ZMAT3: variants seen among roughly 807,000 people sequenced by gnomAD.
ZMAT3 encodes zinc finger matrin-type protein 3.
In ZMAT3, 17 loss-of-function variants were observed where a neutral mutation model predicts 32.3. The observed-to-expected ratio is 0.53, with a 90% CI of 0.36 to 0.79. ZMAT3 has a LOEUF of 0.79. Among genes scored for constraint, ZMAT3 ranks in the 30% least tolerant of loss-of-function variants. ZMAT3 has a pLI of 0.00. For missense variants in ZMAT3, 329 were observed against 359.7 expected (o/e 0.91, Z 0.69); for synonymous variants, 120 against 133.1 (o/e 0.90, Z 0.68).
intron 2 of ZMAT3, among the ~76,000 whole-genome samples, chr3:179,055,916 C>T: frequency 6.6e-6 from 1 of 152,156 alleles, no homozygotes; most frequent in East Asian, 1.9e-4. Context: ...GGCCAGCAGG[C>T]AGTTCCCAGT....
intron 1 of ZMAT3, among the ~76,000 whole-genome samples, chr3:179,068,304 C>T (rs1258663434): frequency 1.3e-5 from 2 of 151,966 alleles, no homozygotes; most frequent in African/African-American, 2.4e-5. Context: ...GTCAGGAGTT[C>T]GAGACCAGCC....
chr3:179,054,392 G>C lies in ZMAT3; in HGVS notation c.270+13091C>G, dbSNP rs142314844. Among the ~76,000 whole-genome samples the C allele has an allele frequency of 3.9e-4, 59 of 152,246 alleles. No individual in the cohort carries two copies. In the East Asian group the frequency reaches 9.7e-3, roughly 25 times the overall value. On this transcript the variant is annotated intron_variant, in intron 2 of 5. Transcript: ENST00000311417. ...AGTAAGACCACAACATCAAATACTA[G>C]TCTGACCTCAAAGTCCGCGATTTCA...
At chr3:179,068,649 C>T (rs1721550026) in intron 1 of ZMAT3, among the ~76,000 whole-genome samples, 1 of 152,142 alleles carries the variant, frequency 6.6e-6, no homozygotes, top group African/African-American at 2.4e-5. Context: ...TTTCAGGGAA[C>T]TCTAGGAGTA....
rs1560084994 is a variant in ZMAT3, at chr3:179,030,890, A to T, written c.380T>A (p.Val127Asp). 1 of 1,613,428 alleles carries T rather than the reference A, an allele frequency of 6.2e-7. No individual in the cohort carries two copies. The highest frequency in any genetic ancestry group is 1.7e-4 in the Middle Eastern group (1 of 6,060). The stretch of plus-strand genomic sequence containing the variant: ...ACACACATGTCTCACCTGCGGAGGG[A>T]CTGGAACAACTGGAGTAGCTGCAGG... ...VEPAATPVVP[V>D]PPQMGSFKPG... The change falls in exon 3 of 6, where the codon GTC becomes GAC. Residue 127 changes from valine (V) to aspartate (D), a missense_variant. Val to Asp is a radical substitution (Grantham distance 152, BLOSUM62 -3). Coordinates refer to ENST00000311417, the MANE Select transcript of ZMAT3 (RefSeq NM_022470.4).
chr3:179,064,780 T>G (rs1303970046), intron 2 of ZMAT3, among the ~76,000 whole-genome samples: 1 of 152,210 alleles, frequency 6.6e-6, no homozygotes, highest in Non-Finnish European at 1.5e-5. Flanking sequence ...TGCTTATTCA[T>G]GTACACCCTC....
intron 3 of ZMAT3, 148 bp downstream of exon 3, chr3:179,030,732 G>C: frequency 8.2e-7 from 1 of 1,225,246 alleles, no homozygotes; most frequent in Non-Finnish European, 1.1e-6. Flanking sequence ...TGTAGTTCAA[G>C]GAGTTAAAAG....
intron 2 of ZMAT3, among the ~76,000 whole-genome samples, chr3:179,043,969 A>G (rs1025868089): frequency 4.6e-5 from 7 of 152,258 alleles, no homozygotes; most frequent in African/African-American, 1.4e-4. Flanking sequence ...CAACAGATAC[A>G]TGGAAAAATG....
chr3:179,072,127 A>G (rs1721759106), upstream of ZMAT3: 1 of 152,676 alleles, frequency 6.5e-6, no homozygotes, highest in Non-Finnish European at 1.5e-5. Context: ...AGCTTTTGCA[A>G]CTTTCATCTC....
chr3:179,064,892 T>C (rs948801551), intron 2 of ZMAT3, among the ~76,000 whole-genome samples: 6 of 152,256 alleles, frequency 3.9e-5, no homozygotes, highest in African/African-American at 1.4e-4. Context: ...GATCTACACT[T>C]TGCACTATCC....
rs941711574 is a variant in ZMAT3, at chr3:179,022,707, T to C, written c.*2310A>G. Reference sequence around the variant, plus strand: ...TCTAGATAGAATCCTAACAGAATAGTATTTGATTCTTCTGTTTCTGGGAGA... The same window carrying C: ...TCTAGATAGAATCCTAACAGAATAGCATTTGATTCTTCTGTTTCTGGGAGA... On this transcript the variant is annotated 3_prime_UTR_variant, in exon 6 of 6. Transcript: ENST00000311417. The C allele has an allele frequency of 1.3e-5, 2 of 151,910 alleles. No homozygotes were observed. The highest frequency in any genetic ancestry group is 2.9e-5 in the Non-Finnish European group (2 of 67,998). The allele number at this position is 151,910 out of a possible 1,614,324, so 9.4% of individuals were successfully genotyped here. A position where few individuals can be genotyped will look rare whatever the true frequency, so the allele number is the denominator to read the frequency against.
intron 2 of ZMAT3, 70 bp from the exon 3 acceptor site, chr3:179,031,069 T>C (rs1324513937): frequency 1.5e-6 from 2 of 1,336,290 alleles, no homozygotes. Context: ...CAGTTAGCTA[T>C]GGTCAACTGT....
chr3:179,043,498 G>A (rs1720066000), intron 2 of ZMAT3, among the ~76,000 whole-genome samples: 1 of 152,198 alleles, frequency 6.6e-6, no homozygotes, highest in African/African-American at 2.4e-5. Context: ...AATAAATGGT[G>A]CTGGGAAAAC....
chr3:179,069,943 A>G (rs935136151), intron 1 of ZMAT3, among the ~76,000 whole-genome samples: 2 of 152,240 alleles, frequency 1.3e-5, no homozygotes, highest in African/African-American at 4.8e-5. Context: ...TGAATCAAGC[A>G]AAGATAGTCC....
At chr3:179,063,081 T>TGA (rs905307336) in intron 2 of ZMAT3, among the ~76,000 whole-genome samples, 1 of 152,238 alleles carries the variant, frequency 6.6e-6, no homozygotes, top group Non-Finnish European at 1.5e-5. Context: ...CTAAAGTAAC[T>TGA]GAGCCAAGAT....
At chr3:179,072,269 C>A, upstream of ZMAT3, 1 of 152,738 alleles carries the variant, frequency 6.5e-6, no homozygotes, top group Non-Finnish European at 1.5e-5. Flanking sequence ...CACTTCCGCC[C>A]CAGGATGGAG....
intron 2 of ZMAT3, among the ~76,000 whole-genome samples, chr3:179,039,777 T>C (rs1286570452): frequency 1.3e-5 from 2 of 151,892 alleles, no homozygotes; most frequent in East Asian, 1.9e-4. Flanking sequence ...ATAACAAACT[T>C]CTCCAAGCTA....
chr3:179,045,299 C>A (rs527424584), intron 2 of ZMAT3, among the ~76,000 whole-genome samples: 1 of 151,968 alleles, frequency 6.6e-6, no homozygotes, highest in South Asian at 2.1e-4. Flanking sequence ...CTAGGTATTA[C>A]GAAACAGAAA....
intron 5 of ZMAT3, among the ~76,000 whole-genome samples, chr3:179,026,165 T>G (rs1327672006): frequency 6.6e-6 from 1 of 152,102 alleles, no homozygotes; most frequent in East Asian, 1.9e-4. Context: ...TGCTTTTCTA[T>G]TTTTGTTGTT....
intron 1 of ZMAT3, among the ~76,000 whole-genome samples, chr3:179,068,769 T>C (rs2108593760): frequency 6.6e-6 from 1 of 152,370 alleles, no homozygotes; most frequent in Non-Finnish European, 1.5e-5. Flanking sequence ...GTGGGCCACA[T>C]ACAGCCACAG....
Sources: allele counts gnomAD v4.1 joint callset (sites outside exome capture counted in the v4.1 genomes callset), GRCh38; gene constraint gnomAD v4.1.1; transcripts MANE v1.5; gene names NCBI Gene and HGNC (gene_info 2026-07-23, HGNC 2026-07-21).